Variants in EDEM3 observed in about 807,000 individuals in gnomAD.
The protein encoded by EDEM3 is ER degradation enhancing alpha-mannosidase like protein 3, also known as ER degradation-enhancing alpha-mannosidase-like protein 3.
Under a neutral mutation model 110.2 loss-of-function variants are expected in EDEM3, and 60 were observed. That is an observed-to-expected ratio of 0.54 (90% CI 0.44 to 0.67). The LOEUF (loss-of-function observed/expected upper bound fraction) is 0.67, where lower values mean the gene tolerates loss of function less well. Ranked by LOEUF, EDEM3 falls within the 30% of genes least tolerant of loss-of-function variation. The pLI is 0.00. For synonymous variants in EDEM3, 352 were observed against 382.9 expected, an observed-to-expected ratio of 0.92 and a Z score of 0.94; for missense variants, 996 against 1,121.0, an observed-to-expected ratio of 0.89 and a Z score of 1.59.
intron 19 of EDEM3, among the ~76,000 whole-genome samples, chr1:184,699,764 G>A (rs1291707772): frequency 4.6e-5 from 7 of 151,674 alleles, no homozygotes; most frequent in African/African-American, 1.2e-4. Flanking sequence ...GACAAATACA[G>A]TTGCTTGAAA....
chr1:184,714,394 A>G (rs1254046443), intron 13 of EDEM3, among the ~76,000 whole-genome samples: 1 of 152,212 alleles, frequency 6.6e-6, no homozygotes, highest in African/African-American at 2.4e-5. Context: ...GTCTTAGCAA[A>G]TATTTTCCTA....
rs564198245 is a variant in EDEM3 at position 184,728,455 on chromosome 1, CAAT to C, written c.613-2069_613-2067del. ...ACTTTGAATCATGAGCGTTTTAGTA[CAAT>C]AATACTTAAGATGTTTGTATATTGA... On this transcript the variant is annotated intron_variant, in intron 6 of 19. Transcript: ENST00000318130. Among the ~76,000 whole-genome samples, 1,240 of 152,198 alleles carry C rather than the reference CAAT, an allele frequency of 8.1e-3. 7 individuals are homozygous for C. The highest frequency in any genetic ancestry group is 0.012 in the Non-Finnish European group (831 of 68,012).
intron 15 of EDEM3, 49 bp downstream of exon 15, chr1:184,711,674 T>C: frequency 6.7e-7 from 1 of 1,500,520 alleles, no homozygotes. Context: ...CTCTGTCATT[T>C]ACTAAGAAAC....
chr1:184,693,371 T>C lies in EDEM3; in HGVS notation c.*692A>G, dbSNP rs909874234. Reference sequence around the variant, plus strand: ...TCCACAATGTATTATATGACCTTTTTACCTGGTCCCACTGATTAGTCTTTA... The same window carrying C: ...TCCACAATGTATTATATGACCTTTTCACCTGGTCCCACTGATTAGTCTTTA... On this transcript the variant is annotated 3_prime_UTR_variant, in exon 20 of 20. Transcript: ENST00000318130. 12 of 152,640 alleles carry C rather than the reference T, an allele frequency of 7.9e-5. No homozygotes were observed. The highest frequency in any genetic ancestry group is 2.7e-4 in the African/African-American group (11 of 41,438). 9.5% of individuals were successfully genotyped at this position (152,640 alleles called of 1,614,324 possible).
intron 5 of EDEM3, among the ~76,000 whole-genome samples, chr1:184,733,699 G>A (rs567773890): frequency 1.2e-4 from 18 of 151,976 alleles, no homozygotes; most frequent in Admixed American, 3.3e-4. Flanking sequence ...ATGGTGGCAG[G>A]TGCCTGTAAT....
intron 19 of EDEM3, among the ~76,000 whole-genome samples, chr1:184,699,426 G>T (rs991453822): frequency 6.6e-6 from 1 of 151,836 alleles, no homozygotes. Flanking sequence ...GGGAAGAGAT[G>T]GCGCAAATGT....
chr1:184,716,686 T>C (rs1035993303), intron 13 of EDEM3, among the ~76,000 whole-genome samples: 14 of 152,172 alleles, frequency 9.2e-5, no homozygotes, highest in Non-Finnish European at 1.9e-4. Flanking sequence ...ACCTACTATA[T>C]GCCAGGCACT....
Position 184,694,204 on chromosome 1 carries a change from C to T in EDEM3, c.2658G>A (p.Gln886=). Residue 886 remains glutamine, a synonymous_variant, in exon 20 of 20, where the codon CAG becomes CAA. Coordinates refer to ENST00000318130, the MANE Select transcript of EDEM3 (RefSeq NM_025191.4). ...LNGECTDLDN[Q]LQEQSETEED... ...CCTCAGTTTCTGATTGTTCTTGAAG[C>T]TGGTTATCTAAATCTGTACATTCAC... 1 of 1,613,398 alleles carries T rather than the reference C, an allele frequency of 6.2e-7. No individual in the cohort carries two copies. Among genetic ancestry groups the T allele is most frequent in the South Asian group, 1.1e-5 (1 of 91,062 alleles).
rs1455404783 is a variant in EDEM3, at chr1:184,703,155, C to T, written c.2204-159G>A. Among the ~76,000 whole-genome samples, 3 of 152,076 alleles carry T rather than the reference C, an allele frequency of 2.0e-5. No individual in the cohort carries two copies. In the East Asian group the frequency reaches 5.8e-4, roughly 29 times the overall value. On this transcript the variant is annotated intron_variant, in intron 18 of 19. Transcript: ENST00000318130. ...TTGGACCCATTAATTCTCATAGAAACGTATCCAAAGGAAATAATTCAAAAG... is the reference window on the plus strand; with the variant it reads ...TTGGACCCATTAATTCTCATAGAAATGTATCCAAAGGAAATAATTCAAAAG...
chr1:184,743,226 C>G (rs1373758602), intron 2 of EDEM3, among the ~76,000 whole-genome samples: 1 of 152,152 alleles, frequency 6.6e-6, no homozygotes, highest in Non-Finnish European at 1.5e-5. Flanking sequence ...AAACTACAGA[C>G]AGTTTGCACA....
At chr1:184,706,945 C>A in intron 17 of EDEM3, 137 bp from the exon 18 acceptor site, 1 of 891,214 alleles carries the variant, frequency 1.1e-6, no homozygotes, top group Non-Finnish European at 1.6e-6. Context: ...ATATAGTCAC[C>A]ATAAAATATT....
rs376120487 is a variant in EDEM3, at chr1:184,702,826, T to C, written c.2374A>G (p.Lys792Glu). 1.5e-5 allele frequency: 24 copies of C among 1,598,960 alleles called. No individual in the cohort carries two copies. Among genetic ancestry groups the C allele is most frequent in the Non-Finnish European group, 1.6e-5 (19 of 1,174,236 alleles). Reference sequence around the variant, plus strand: ...TTACTCTTACCTCGATCTTTTGCTTTATCAGAGAGGAGCACTTCTACCTCC... The same window carrying C: ...TTACTCTTACCTCGATCTTTTGCTTCATCAGAGAGGAGCACTTCTACCTCC... Reference protein sequence around the residue: ...YEEVEVLLSDKAKDRDPEMEN... With the variant: ...YEEVEVLLSDEAKDRDPEMEN... The change falls in exon 19 of 20, where the codon AAA becomes GAA. Residue 792 changes from lysine (K) to glutamate (E), a missense_variant. By Grantham distance (56) the Lys-to-Glu change is moderately conservative. Around this residue, in one of 5 missense-constraint regions of EDEM3, gnomAD observed 345 missense variants for 402.0 expected, o/e 0.86. Transcript: ENST00000318130.
In EDEM3 at chr1:184,754,643, T is replaced by C. The variant is rs185774628; in HGVS notation, c.4A>G (p.Ser2Gly). 29 of 1,570,436 alleles carry C rather than the reference T, an allele frequency of 1.8e-5. No homozygotes were observed. Among genetic ancestry groups the C allele is most frequent in the Non-Finnish European group, 2.5e-5 (29 of 1,158,834 alleles). The change falls in exon 1 of 20, where the codon AGC (serine) becomes GGC (glycine). Residue 2 changes from serine to glycine, a missense_variant. Coordinates refer to ENST00000318130, the MANE Select transcript of EDEM3 (RefSeq NM_025191.4). M[S>G]EAGGRGCGSP... ...CCACAGCCCCGGCCGCCGGCTTCGC[T>C]CATGGCCCCGCGGTTCCGCGCACGC...
In EDEM3 at chr1:184,717,552, G is replaced by A; in HGVS notation, c.1233C>T (p.Tyr411=). ...PLRPEFAEST[Y]FLYKATGDPY... ...TATATTTTCTTACTTTATATAAGAAGTAGGTACTTTCTGCAAATTCTGGCC... is the reference window on the plus strand; with the variant it reads ...TATATTTTCTTACTTTATATAAGAAATAGGTACTTTCTGCAAATTCTGGCC... Residue 411 remains tyrosine (Y), a synonymous_variant, in exon 12 of 20, where the codon TAC becomes TAT. Transcript: ENST00000318130. 3 of 1,607,370 alleles carry A rather than the reference G, an allele frequency of 1.9e-6. No individual in the cohort carries two copies. The highest frequency in any genetic ancestry group is 2.3e-5 in the East Asian group (1 of 44,354).
chr1:184,733,641 A>AAC (rs1012914623), intron 5 of EDEM3, among the ~76,000 whole-genome samples: 1 of 152,142 alleles, frequency 6.6e-6, no homozygotes, highest in Non-Finnish European at 1.5e-5. Context: ...CATCCTGGCC[A>AAC]ACACGGTGAA....
chr1:184,753,283 A>G (rs1051119729), intron 1 of EDEM3, among the ~76,000 whole-genome samples: 1 of 151,830 alleles, frequency 6.6e-6, no homozygotes, highest in African/African-American at 2.4e-5. Context: ...TGTTTTGGAA[A>G]TATATTCTGG....
At position 184,750,294 on chromosome 1, in the gene EDEM3, T is replaced by C. The variant is rs16823423; in HGVS notation, c.159-702A>G. On this transcript the variant is annotated intron_variant, in intron 1 of 19. Transcript: ENST00000318130. ...TTTTGGCGAATTCTGTTTCACAAAATCTCCGTAACCACTGTTTAAAATGGA... is the reference window on the plus strand; with the variant it reads ...TTTTGGCGAATTCTGTTTCACAAAACCTCCGTAACCACTGTTTAAAATGGA... Among the ~76,000 whole-genome samples the C allele has an allele frequency of 6.9e-3, 1,056 of 152,264 alleles. 6 individuals carry two copies. The highest frequency in any genetic ancestry group is 0.023 in the African/African-American group (969 of 41,540).
At chr1:184,748,203 T>C (rs1378075344) in intron 2 of EDEM3, among the ~76,000 whole-genome samples, 1 of 151,988 alleles carries the variant, frequency 6.6e-6, no homozygotes, top group Admixed American at 6.6e-5. Flanking sequence ...TCCCAACACT[T>C]TGGGAGGCAG....
chr1:184,706,926 G>GT (rs1465526219), intron 17 of EDEM3, 118 bp from the exon 18 acceptor site: 2 of 1,028,062 alleles, frequency 1.9e-6, no homozygotes, highest in Admixed American at 5.5e-5. Context: ...TAATGATAAC[G>GT]TATCTAACAT....
Sources: gnomAD v4.1 joint callset for allele counts (sites outside exome capture counted in the v4.1 genomes callset) on GRCh38, gnomAD v4.1.1 for gene constraint, gnomAD v4.1.1 regional missense constraint, MANE v1.5 for transcripts, NCBI Gene and HGNC (gene_info 2026-07-23, HGNC 2026-07-21) for gene names.